PRPF6: variants seen among roughly 807,000 people sequenced by gnomAD.
PRPF6 encodes the protein pre-mRNA processing factor 6.
PRPF6 carries 42 observed loss-of-function variants against 118.3 expected under a neutral mutation model. The ratio of observed to expected loss-of-function variants is 0.35; its 90% CI spans 0.28 to 0.46. The LOEUF (loss-of-function observed/expected upper bound fraction) is 0.46, where lower values mean the gene tolerates loss of function less well. Among genes scored for constraint, PRPF6 ranks in the 20% least tolerant of loss-of-function variants. PRPF6 has a pLI of 1.00. For missense variants in PRPF6, 662 were observed against 1,255.7 expected (o/e 0.53, Z 7.15); for synonymous variants, 481 against 485.1 (o/e 0.99, Z 0.11).
In PRPF6 at chr20:64,022,840, G is replaced by T; in HGVS notation, c.1731G>T (p.Trp577Cys). The T allele has an allele frequency of 6.2e-7, 1 of 1,614,098 alleles. No homozygotes were observed. Among genetic ancestry groups the T allele is most frequent in the East Asian group, 2.2e-5 (1 of 44,882 alleles). ...TGTTCCCCAGCAAGAAGAGTGTGTG[G>T]CTGCGCGCCGCGTACTTCGAGAAGA... ...LQVFPSKKSV[W>C]LRAAYFEKNH... Residue 577 changes from tryptophan (W) to cysteine (C), a missense_variant, in exon 13 of 21, where the codon TGG becomes TGT. By Grantham distance (215) the Trp-to-Cys change is radical. This residue lies in a region of PRPF6 where 189 missense variants were observed against 323.5 expected (regional missense o/e 0.58). Coordinates refer to ENST00000266079, the MANE Select transcript of PRPF6 (RefSeq NM_012469.4).
In PRPF6 at chr20:64,022,788, G is replaced by A; in HGVS notation, c.1679G>A (p.Arg560Gln). 1 of 1,614,086 alleles carries A rather than the reference G, an allele frequency of 6.2e-7. No homozygotes were observed. The highest frequency in any genetic ancestry group is 8.5e-7 in the Non-Finnish European group (1 of 1,180,014). ...GCCCACAATGCCCTGGAGTGTGCACGAGCCATCTACGCCTACGCCCTGCAG... is the reference window on the plus strand; with the variant it reads ...GCCCACAATGCCCTGGAGTGTGCACAAGCCATCTACGCCTACGCCCTGCAG... ...CVAHNALECA[R>Q]AIYAYALQVF... The change falls in exon 13 of 21, where the codon CGA (arginine) becomes CAA (glutamine). Residue 560 changes from arginine to glutamine, a missense_variant. Arg to Gln is a conservative substitution (Grantham distance 43). Around this residue, in one of 10 missense-constraint regions of PRPF6, gnomAD observed 189 missense variants for 323.5 expected, o/e 0.58. Coordinates refer to ENST00000266079, the MANE Select transcript of PRPF6 (RefSeq NM_012469.4).
chr20:64,016,873 G>GT, intron 12 of PRPF6, 28 bp downstream of exon 12: 1 of 1,613,740 alleles, frequency 6.2e-7, no homozygotes, highest in Non-Finnish European at 8.5e-7. Flanking sequence ...GCCTTTGTCC[G>GT]TAATATGGAG....
At chr20:64,007,210 T>A (rs1412182016) in intron 9 of PRPF6, among the ~76,000 whole-genome samples, 1 of 152,224 alleles carries the variant, frequency 6.6e-6, no homozygotes, top group Non-Finnish European at 1.5e-5. Context: ...TGTGGCTTGG[T>A]CTGTCAGTAA....
chr20:64,030,042 A>G (rs992364064), intron 19 of PRPF6, among the ~76,000 whole-genome samples: 43 of 152,370 alleles, frequency 2.8e-4, no homozygotes, highest in Non-Finnish European at 4.9e-4. Flanking sequence ...GGAACCTTGC[A>G]GGCAGCAGCG....
In PRPF6 at chr20:64,006,248, G is replaced by A. The variant is rs541100616; in HGVS notation, c.1187-3952G>A. ...TCCAGCCAGGGCTGGTACATGAGGA[G>A]GCCAGAGGGAGCTGTGGTCTGCACC... On this transcript the variant is annotated intron_variant, in intron 9 of 20. Transcript: ENST00000266079. 9.2e-5 allele frequency among the ~76,000 whole-genome samples: 14 copies of A among 152,074 alleles called. 1 individual carries two copies. In the South Asian group the frequency reaches 2.7e-3, roughly 29 times the overall value.
chr20:64,014,614 G>A (rs816916), intron 11 of PRPF6, among the ~76,000 whole-genome samples: 31,561 of 151,954 alleles, frequency 0.21, 3,613 homozygotes, highest in African/African-American at 0.29. Context: ...AGCCGAGATC[G>A]TGACACTGTA....
In PRPF6 at chr20:64,011,310, A is replaced by AG; in HGVS notation, c.1332dup (p.Thr445AspfsTer3). The AG allele has an allele frequency of 6.2e-7, 1 of 1,614,152 alleles. No individual in the cohort carries two copies. The highest frequency in any genetic ancestry group is 8.5e-7 in the Non-Finnish European group (1 of 1,180,014). On this transcript the variant is annotated frameshift_variant, in exon 11 of 21. Transcript: ENST00000266079. LOFTEE classifies it high-confidence loss of function. This position sits in a 1 kb window ranked among gnomAD's most constrained non-coding sequence, Gnocchi z 6.7. ...CTCTGGCTTGCTCTGGCAAGGCTGGAGACCTATGAAAATGCCCGCAAGGTC... is the reference window on the plus strand; with the variant it reads ...CTCTGGCTTGCTCTGGCAAGGCTGGAGGACCTATGAAAATGCCCGCAAGGTC...
At chr20:63,997,805 C>T (rs944419492) in intron 6 of PRPF6, among the ~76,000 whole-genome samples, 2 of 151,702 alleles carry the variant, frequency 1.3e-5, no homozygotes, top group African/African-American at 2.4e-5. Context: ...GAACTCCTGA[C>T]CTCCAGTGAT....
At chr20:64,003,206 A>G (rs1207227404) in intron 9 of PRPF6, among the ~76,000 whole-genome samples, 2 of 152,056 alleles carry the variant, frequency 1.3e-5, no homozygotes, top group East Asian at 3.9e-4. Context: ...TCTCCCAGAG[A>G]GCTGGGATTA....
intron 3 of PRPF6, among the ~76,000 whole-genome samples, chr20:63,990,414 A>G (rs1481137517): frequency 6.6e-6 from 1 of 152,046 alleles, no homozygotes; most frequent in African/African-American, 2.4e-5. Context: ...CTCGTTATTA[A>G]ATCATTGTGC....
chr20:64,018,184 AC>A (rs2059247522), intron 12 of PRPF6, among the ~76,000 whole-genome samples: 2 of 151,968 alleles, frequency 1.3e-5, no homozygotes, highest in Non-Finnish European at 2.9e-5. Flanking sequence ...TGACAGCAAG[AC>A]CCTATCTCAA....
At chr20:64,023,683 TC>T (rs1411617833) in intron 13 of PRPF6, among the ~76,000 whole-genome samples, 1 of 152,226 alleles carries the variant, frequency 6.6e-6, no homozygotes, top group Non-Finnish European at 1.5e-5. Context: ...GGGAGTGATC[TC>T]CTTTGGGGAC....
At position 64,032,187 on chromosome 20, in the gene PRPF6, A is replaced by G. The variant is rs112921280; in HGVS notation, c.2673+143A>G. 8.9e-3 allele frequency: 11,795 copies of G among 1,322,390 alleles called. 644 individuals carry two copies. The African/African-American group carries it at 0.13, about 15-fold the overall frequency. 81.9% of individuals were successfully genotyped at this position (1,322,390 alleles called of 1,614,324 possible). On this transcript the variant is annotated intron_variant, in intron 20 of 20. Coordinates refer to ENST00000266079, the MANE Select transcript of PRPF6 (RefSeq NM_012469.4). ...AGGATGGACCGGGTGTGTGGGGCAC[A>G]GAATCCTCGACACCTCCCCACAAGG...
chr20:63,989,020 G>A (rs2059107170), intron 3 of PRPF6, among the ~76,000 whole-genome samples: 1 of 152,140 alleles, frequency 6.6e-6, no homozygotes, highest in South Asian at 2.1e-4. Context: ...AACAAAAACA[G>A]CATAGTACTG....
intron 9 of PRPF6, among the ~76,000 whole-genome samples, chr20:64,007,576 C>A (rs903755942): frequency 6.6e-6 from 1 of 151,678 alleles, no homozygotes; most frequent in Non-Finnish European, 1.5e-5. Context: ...AAGCGATTCT[C>A]CCACCTCTGC....
Position 64,027,396 on chromosome 20 carries a change from G to C in PRPF6, c.2206-207G>C, listed in dbSNP as rs1398029534. 1.3e-5 allele frequency among the ~76,000 whole-genome samples: 2 copies of C among 152,168 alleles called. No homozygotes were observed. Among genetic ancestry groups the C allele is most frequent in the East Asian group, 3.9e-4 (2 of 5,192 alleles). On this transcript the variant is annotated intron_variant, in intron 16 of 20. Coordinates refer to ENST00000266079, the MANE Select transcript of PRPF6 (RefSeq NM_012469.4). This position sits in a 1 kb window ranked among gnomAD's most constrained non-coding sequence, Gnocchi z 6.5. The stretch of plus-strand genomic sequence containing the variant: ...CAGAGTGTGGCACACCTGCAGTAAA[G>C]GCTGGTACGTACAGACCTGTGTGCA...
At chr20:64,024,870 A>G (rs2059281465) in intron 14 of PRPF6, among the ~76,000 whole-genome samples, 177 bp downstream of exon 14, 1 of 152,148 alleles carries the variant, frequency 6.6e-6, no homozygotes, top group African/African-American at 2.4e-5. Flanking sequence ...AGAGCAGGAA[A>G]GCAGCCCACC....
chr20:64,031,879 A>T, intron 19 of PRPF6, 39 bp from the exon 20 acceptor site: 2 of 1,613,760 alleles, frequency 1.2e-6, no homozygotes, highest in Non-Finnish European at 1.7e-6. Flanking sequence ...ACCGTCCTGC[A>T]GCCACTCACT....
chr20:64,016,413 C>A (rs894338477), intron 11 of PRPF6, among the ~76,000 whole-genome samples: 2 of 152,052 alleles, frequency 1.3e-5, no homozygotes, highest in Non-Finnish European at 2.9e-5. Flanking sequence ...TGTGAGCCCC[C>A]ACACCTGGCT....
Sources: allele counts gnomAD v4.1 joint callset (sites outside exome capture counted in the v4.1 genomes callset), GRCh38; gene constraint gnomAD v4.1.1; regional missense constraint gnomAD v4.1.1; non-coding constraint Gnocchi (gnomAD v3.1); transcripts MANE v1.5; gene names NCBI Gene and HGNC (gene_info 2026-07-23, HGNC 2026-07-21).